Variants in E2F5 observed in about 807,000 individuals in gnomAD.
E2F5 encodes the protein E2F transcription factor 5.
In E2F5, 23 loss-of-function variants were observed where a neutral mutation model predicts 39.1. The observed-to-expected ratio is 0.59, with a 90% CI of 0.42 to 0.83. E2F5 has a LOEUF of 0.83. Ranked by LOEUF, E2F5 falls within the 40% of genes least tolerant of loss-of-function variation. The pLI, the probability that E2F5 is intolerant of heterozygous loss-of-function variation, is 0.00. For synonymous variants in E2F5, 145 were observed against 157.8 expected, an observed-to-expected ratio of 0.92 and a Z score of 0.61; for missense variants, 365 against 406.7, an observed-to-expected ratio of 0.90 and a Z score of 0.88.
At position 85,177,270 on chromosome 8, in the gene E2F5, C is replaced by G. The variant is rs1167324867; in HGVS notation, c.-151C>G. 3 of 618,414 alleles carry G rather than the reference C, an allele frequency of 4.9e-6. No individual in the cohort carries two copies. Among genetic ancestry groups the G allele is most frequent in the Non-Finnish European group, 6.1e-6 (3 of 494,416 alleles). 38.3% of individuals were successfully genotyped at this position (618,414 alleles called of 1,614,324 possible). A position where few individuals can be genotyped will look rare whatever the true frequency, so the allele number is the denominator to read the frequency against. On this transcript the variant is annotated 5_prime_UTR_variant, in exon 1 of 8. Coordinates refer to ENST00000416274, the MANE Select transcript of E2F5 (RefSeq NM_001951.4). ...GCGGCCCAGACTCCCGTGGGCGCCG[C>G]ACACCTGTTGTTTGCAGCAGCCAGC...
At position 85,177,528 on chromosome 8, in the gene E2F5, C is replaced by CCCG. The variant is rs1169210710; in HGVS notation, c.116_118dup (p.Pro39dup). ...CGCAGGCGCAAGCCCCGCAGCCGCC[C>CCCG]CCGCCGCCGCAGCTCGGGGGCGCCG... On this transcript the variant is annotated inframe_insertion, in exon 1 of 8. Transcript: ENST00000416274. 8.6e-7 allele frequency: 1 copy of CCCG among 1,161,892 alleles called. No individual in the cohort carries two copies. Among genetic ancestry groups the CCCG allele is most frequent in the East Asian group, 3.9e-5 (1 of 25,468 alleles). 72.0% of individuals were successfully genotyped at this position (1,161,892 alleles called of 1,614,324 possible).
chr8:85,185,393 C>T (rs980527635), intron 1 of E2F5, among the ~76,000 whole-genome samples: 2 of 152,122 alleles, frequency 1.3e-5, no homozygotes, highest in African/African-American at 4.8e-5. Flanking sequence ...AACGTAAGAC[C>T]TGAAACCATA....
At chr8:85,189,668 C>T (rs1250719067) in intron 1 of E2F5, among the ~76,000 whole-genome samples, 1 of 152,186 alleles carries the variant, frequency 6.6e-6, no homozygotes, top group Non-Finnish European at 1.5e-5. Flanking sequence ...TGCACCCAAC[C>T]TCTTTTTCCA....
chr8:85,194,833 C>T (rs1237008598), intron 1 of E2F5, among the ~76,000 whole-genome samples: 4 of 150,656 alleles, frequency 2.7e-5, no homozygotes, highest in African/African-American at 4.9e-5. Flanking sequence ...ATGCCTGGCC[C>T]TGTTATTTAT....
intron 1 of E2F5, among the ~76,000 whole-genome samples, chr8:85,186,960 T>TAAA (rs34683192): frequency 6.7e-6 from 1 of 148,462 alleles, no homozygotes; most frequent in East Asian, 2.0e-4. Context: ...AATCCAAGCA[T>TAAA]AAAAAAAAAT....
At position 85,209,419 on chromosome 8, in the gene E2F5, G is replaced by C; in HGVS notation, c.883+10G>C. 6.3e-7 allele frequency: 1 copy of C among 1,586,620 alleles called. No individual in the cohort carries two copies. The highest frequency in any genetic ancestry group is 1.1e-5 in the South Asian group (1 of 87,424). ...ACAGATATATCTTCAGGTGGGTTCA[G>C]AGCCTTTCTTTTGTAAATTAGAGAG... is the stretch of plus-strand genomic sequence containing the variant. On this transcript the variant is annotated intron_variant, in intron 6 of 7. Transcript: ENST00000416274.
intron 2 of E2F5, 142 bp downstream of exon 2, chr8:85,202,398 C>T: frequency 1.6e-6 from 1 of 614,268 alleles, no homozygotes; most frequent in Non-Finnish European, 2.8e-6. Context: ...CCTTTCTGGG[C>T]CTCTGTGTCA....
intron 1 of E2F5, among the ~76,000 whole-genome samples, chr8:85,189,708 T>TA (rs1188460473): frequency 1.3e-5 from 2 of 152,224 alleles, no homozygotes; most frequent in African/African-American, 4.8e-5. Context: ...AATGTCTTCA[T>TA]AATTTTGATC....
chr8:85,204,477 G>A (rs1375367718), intron 3 of E2F5, among the ~76,000 whole-genome samples: 1 of 145,914 alleles, frequency 6.9e-6, no homozygotes, highest in Non-Finnish European at 1.5e-5. Context: ...TCACTCATAG[G>A]TGGGAATTGA....
At chr8:85,211,714 C>T (rs1462242778) in intron 6 of E2F5, among the ~76,000 whole-genome samples, 2 of 133,104 alleles carry the variant, frequency 1.5e-5, no homozygotes, top group Admixed American at 8.6e-5. Context: ...TGCAGTGGCG[C>T]GATCTCAGCT....
intron 1 of E2F5, among the ~76,000 whole-genome samples, chr8:85,184,767 T>C (rs1261080565): frequency 6.6e-6 from 1 of 152,166 alleles, no homozygotes; most frequent in Non-Finnish European, 1.5e-5. Context: ...TCACAATTGC[T>C]ACTAAGAGAA....
Position 85,213,950 on chromosome 8 carries a change from G to A in E2F5, c.*88G>A. The A allele has an allele frequency of 1.3e-6, 1 of 757,522 alleles. No individual in the cohort carries two copies. Among genetic ancestry groups the A allele is most frequent in the Non-Finnish European group, 2.2e-6 (1 of 456,938 alleles). The allele number at this position is 757,522 out of a possible 1,614,324, so 46.9% of individuals were successfully genotyped here. A position where few individuals can be genotyped will look rare whatever the true frequency, so the allele number is the denominator to read the frequency against. On this transcript the variant is annotated 3_prime_UTR_variant, in exon 8 of 8. Transcript: ENST00000416274. ...AACCTAAATATTTAAAATAATGAATGTAACACCTTTTTTAGTTCACTGATT... is the reference window on the plus strand; with the variant it reads ...AACCTAAATATTTAAAATAATGAATATAACACCTTTTTTAGTTCACTGATT...
intron 6 of E2F5, among the ~76,000 whole-genome samples, chr8:85,210,217 C>T (rs1812886568): frequency 6.6e-6 from 1 of 152,130 alleles, no homozygotes; most frequent in Non-Finnish European, 1.5e-5. Context: ...GTTTATTTTA[C>T]CTCTAGGATG....
chr8:85,200,597 CAT>C (rs1482404484), intron 1 of E2F5, among the ~76,000 whole-genome samples: 2 of 152,120 alleles, frequency 1.3e-5, no homozygotes, highest in African/African-American at 4.8e-5. Flanking sequence ...TGTGTGAGTA[CAT>C]AGATACCAGT....
chr8:85,211,166 G>T (rs1343461564), intron 6 of E2F5, among the ~76,000 whole-genome samples: 2 of 148,540 alleles, frequency 1.3e-5, no homozygotes, highest in African/African-American at 5.0e-5. Flanking sequence ...CAGGTACACT[G>T]CTTGAGCCCA....
At chr8:85,210,506 CCT>C (rs1050343363) in intron 6 of E2F5, among the ~76,000 whole-genome samples, 9 of 151,836 alleles carry the variant, frequency 5.9e-5, no homozygotes, top group African/African-American at 2.2e-4. Flanking sequence ...ATAGTGAAGC[CCT>C]GTCTCTACTA....
chr8:85,197,427 G>A (rs1214533206), intron 1 of E2F5, among the ~76,000 whole-genome samples: 1 of 152,124 alleles, frequency 6.6e-6, no homozygotes, highest in Non-Finnish European at 1.5e-5. Context: ...AAGGGACGTG[G>A]CCTCATGATT....
chr8:85,205,368 T>C (rs943474364), intron 3 of E2F5, among the ~76,000 whole-genome samples: 3 of 152,054 alleles, frequency 2.0e-5, no homozygotes, highest in African/African-American at 7.2e-5. Flanking sequence ...CCAGAGTAGC[T>C]GTGATTACAG....
At chr8:85,178,011 A>G in intron 1 of E2F5, 1 of 158,634 alleles carries the variant, frequency 6.3e-6, no homozygotes, top group Non-Finnish European at 1.4e-5. Context: ...GCAGAGGCTC[A>G]CGGGGTAACG....
Sources: gnomAD v4.1 joint callset for allele counts (sites outside exome capture counted in the v4.1 genomes callset) on GRCh38, gnomAD v4.1.1 for gene constraint, MANE v1.5 for transcripts, NCBI Gene and HGNC (gene_info 2026-07-23, HGNC 2026-07-21) for gene names.